The following SVIL variants were observed in gnomAD, a reference collection of about 807,000 sequenced individuals.
SVIL encodes the protein archvillin.
In SVIL, 101 loss-of-function variants were observed where a neutral mutation model predicts 240.4. The ratio of observed to expected loss-of-function variants is 0.42; its 90% confidence interval spans 0.36 to 0.50. The LOEUF (loss-of-function observed/expected upper bound fraction) is 0.50, where lower values mean the gene tolerates loss of function less well. Ranked by LOEUF, SVIL falls within the 20% of genes least tolerant of loss-of-function variation. SVIL has a pLI of 0.01. For synonymous variants in SVIL, 999 were observed against 1,100.0 expected, an observed-to-expected ratio of 0.91 and a Z score of 1.82; for missense variants, 2,512 against 2,818.7, an observed-to-expected ratio of 0.89 and a Z score of 2.46.
intron 1 of SVIL, among the ~76,000 whole-genome samples, chr10:29,712,354 C>T (rs1181195164): frequency 6.6e-6 from 1 of 152,168 alleles, no homozygotes; most frequent in Non-Finnish European, 1.5e-5. Context: ...AATTTTTGCT[C>T]TATTAGTTCC....
At chr10:29,494,717 T>A (rs569981435) in intron 20 of SVIL, among the ~76,000 whole-genome samples, 197 bp downstream of exon 20, 1 of 152,336 alleles carries the variant, frequency 6.6e-6, no homozygotes, top group South Asian at 2.1e-4. Flanking sequence ...TCCAATTGGA[T>A]GGCATCCCAA....
rs900797488 is a variant in SVIL at position 29,634,476 on chromosome 10, C to G, written c.-257G>C. ...AGTTAAAGGGGGAAAGAAAATCACA[C>G]TGCAATTCCTTATTTTTCTAATTTA... is the stretch of plus-strand genomic sequence containing the variant. On this transcript the variant is annotated 5_prime_UTR_variant, in exon 1 of 38. Transcript: ENST00000355867. 1 of 152,310 alleles carries G rather than the reference C, an allele frequency of 6.6e-6. No homozygotes were observed. Among genetic ancestry groups the G allele is most frequent in the East Asian group, 1.9e-4 (1 of 5,192 alleles). The allele number at this position is 152,310 out of a possible 1,614,324, so 9.4% of individuals were successfully genotyped here.
chr10:29,474,647 T>G (rs1044330340), intron 29 of SVIL, among the ~76,000 whole-genome samples: 1 of 150,542 alleles, frequency 6.6e-6, no homozygotes, highest in Non-Finnish European at 1.5e-5. Context: ...ATAAATAAAG[T>G]ATTTGGTGAC....
intron 1 of SVIL, among the ~76,000 whole-genome samples, chr10:29,691,065 A>G: frequency 6.6e-6 from 1 of 152,222 alleles, no homozygotes; most frequent in East Asian, 1.9e-4. Context: ...AAGAGTAAAA[A>G]GACTAAAAGA....
At chr10:29,588,665 C>T (rs1381862194) in intron 1 of SVIL, among the ~76,000 whole-genome samples, 1 of 152,204 alleles carries the variant, frequency 6.6e-6, no homozygotes, top group African/African-American at 2.4e-5. Flanking sequence ...CCCAAACTCA[C>T]TATGCCAAAC....
intron 1 of SVIL, among the ~76,000 whole-genome samples, chr10:29,632,227 T>C (rs1217110991): frequency 6.6e-6 from 1 of 152,136 alleles, no homozygotes; most frequent in African/African-American, 2.4e-5. Flanking sequence ...TGGTGGCTCA[T>C]GCCTGTAATC....
At position 29,458,314 on chromosome 10, in the gene SVIL, C is replaced by T; in HGVS notation, c.6578G>A (p.Arg2193Lys). The T allele has an allele frequency of 6.2e-7, 1 of 1,614,236 alleles. No homozygotes were observed. Among genetic ancestry groups the T allele is most frequent in the Non-Finnish European group, 8.5e-7 (1 of 1,180,038 alleles). Reference protein sequence around the residue: ...EDFEFALDMTRDEYNALPAWK... With the variant: ...EDFEFALDMTKDEYNALPAWK... ...GGCGGGCAGGGCGTTGTATTCATCC[C>T]TCGTCATGTCTAGTGCAAACTGGAA... The change falls in exon 38 of 38, where the codon AGG becomes AAG. Residue 2193 changes from arginine (R) to lysine (K), a missense_variant. This residue lies in a region of SVIL where 797 missense variants were observed against 925.3 expected (regional missense o/e 0.86). Coordinates refer to ENST00000355867, the MANE Select transcript of SVIL (RefSeq NM_021738.3).
chr10:29,487,415 A>G (rs1947513921), intron 23 of SVIL, 116 bp from the exon 24 acceptor site: 1 of 1,172,758 alleles, frequency 8.5e-7, no homozygotes. Flanking sequence ...TTGTCTGCTA[A>G]TAAGAGTGCC....
intron 30 of SVIL, among the ~76,000 whole-genome samples, chr10:29,473,325 C>T (rs1342367227): frequency 6.6e-6 from 1 of 152,186 alleles, no homozygotes; most frequent in Non-Finnish European, 1.5e-5. Flanking sequence ...CTGATACTTC[C>T]TTCATGTAGA....
intron 17 of SVIL, among the ~76,000 whole-genome samples, chr10:29,512,083 A>G (rs908532097): frequency 1.7e-4 from 26 of 152,258 alleles, no homozygotes; most frequent in Admixed American, 6.5e-5. Flanking sequence ...GTAAGTCACC[A>G]TCAGTTTCAA....
At chr10:29,722,204 C>A in intron 1 of SVIL, among the ~76,000 whole-genome samples, 1 of 136,814 alleles carries the variant, frequency 7.3e-6, no homozygotes, top group Admixed American at 7.9e-5. Context: ...GCCTGGGTGA[C>A]AGAGTGAGAC....
chr10:29,684,364 T>C (rs1298917301), intron 2 of SVIL, among the ~76,000 whole-genome samples: 1 of 152,142 alleles, frequency 6.6e-6, no homozygotes, highest in Admixed American at 6.5e-5. Flanking sequence ...CTTGGTTTTA[T>C]GTGCTTTACA....
rs749691068 is a variant in SVIL at position 29,473,925 on chromosome 10, G to C, written c.5442C>G (p.Phe1814Leu). ...RAAGKEKCVY[F>L]FWQGRHSTVS... ...CGGTGGAGTGCCGGCCTTGCCAGAA[G>C]AAGTAGACGCACTTCTCTTTGCCGG... Residue 1814 changes from phenylalanine to leucine, a missense_variant, in exon 30 of 38, where the codon TTC becomes TTG. This residue lies in a region of SVIL where 797 missense variants were observed against 925.3 expected (regional missense o/e 0.86). Coordinates refer to ENST00000355867, the MANE Select transcript of SVIL (RefSeq NM_021738.3). 6.2e-7 allele frequency: 1 copy of C among 1,614,102 alleles called. No homozygotes were observed.
intron 1 of SVIL, among the ~76,000 whole-genome samples, chr10:29,711,717 G>A (rs1055530207): frequency 4.6e-5 from 7 of 151,388 alleles, no homozygotes; most frequent in Non-Finnish European, 7.4e-5. Flanking sequence ...CCGAGATCAC[G>A]CCATTACACT....
intron 1 of SVIL, among the ~76,000 whole-genome samples, chr10:29,716,470 G>C (rs1002302498): frequency 4.6e-5 from 7 of 152,036 alleles, no homozygotes; most frequent in Admixed American, 3.9e-4. Flanking sequence ...AGGAGAGGAA[G>C]GTAAGCAAAA....
Position 29,470,479 on chromosome 10 carries a change from C to T in SVIL, c.5640G>A (p.Glu1880=), listed in dbSNP as rs1945434962. The T allele has an allele frequency of 3.7e-6, 6 of 1,614,112 alleles. No homozygotes were observed. Among genetic ancestry groups the T allele is most frequent in the Non-Finnish European group, 5.1e-6 (6 of 1,180,036 alleles). ...CTCCACGCACGCAGTACAGCCGCCACTCACCTGCAGGGGGCACCGGCGGCG... is the reference window on the plus strand; with the variant it reads ...CTCCACGCACGCAGTACAGCCGCCATTCACCTGCAGGGGGCACCGGCGGCG... ...REEEEENVQS[E]WRLYCVRGEV... The change falls in exon 32 of 38, where the codon GAG becomes GAA. Residue 1880 remains glutamate, a synonymous_variant. Coordinates refer to ENST00000355867, the MANE Select transcript of SVIL (RefSeq NM_021738.3).
chr10:29,540,710 A>C (rs1952083756), intron 6 of SVIL, among the ~76,000 whole-genome samples: 1 of 152,140 alleles, frequency 6.6e-6, no homozygotes, highest in Non-Finnish European at 1.5e-5. Context: ...GGAAGACACC[A>C]AGAACTTCCT....
At chr10:29,510,168 A>T (rs1482704234) in intron 17 of SVIL, among the ~76,000 whole-genome samples, 1 of 152,214 alleles carries the variant, frequency 6.6e-6, no homozygotes, top group African/African-American at 2.4e-5. Flanking sequence ...TTGGGACTAC[A>T]GGCACGGCCA....
intron 1 of SVIL, among the ~76,000 whole-genome samples, chr10:29,571,990 C>T (rs540088617): frequency 2.6e-5 from 4 of 152,226 alleles, no homozygotes; most frequent in African/African-American, 9.6e-5. Flanking sequence ...GTACCTGGTG[C>T]ACAGTAGGGC....
Sources: gnomAD v4.1 joint callset for allele counts (sites outside exome capture counted in the v4.1 genomes callset) on GRCh38, gnomAD v4.1.1 for gene constraint, gnomAD v4.1.1 regional missense constraint, MANE v1.5 for transcripts, NCBI Gene and HGNC (gene_info 2026-07-23, HGNC 2026-07-21) for gene names.